Variants in ERC2 observed in about 807,000 individuals in gnomAD.
The protein encoded by ERC2 is ELKS/RAB6-interacting/CAST family member 2, also known as ERC protein 2.
Under a neutral mutation model 114.8 loss-of-function variants are expected in ERC2, and 42 were observed. That is an observed-to-expected ratio of 0.37 (90% CI 0.29 to 0.47). ERC2 has a LOEUF of 0.47. Ranked by LOEUF, ERC2 falls within the 20% of genes least tolerant of loss-of-function variation. ERC2 has a pLI of 0.99. For missense variants in ERC2, 939 were observed against 1,150.7 expected, an observed-to-expected ratio of 0.82 and a Z score of 2.66; for synonymous variants, 454 against 425.5, an observed-to-expected ratio of 1.07 and a Z score of -0.82.
chr3:56,049,732 C>A (rs1319111247), intron 7 of ERC2, among the ~76,000 whole-genome samples: 1 of 152,062 alleles, frequency 6.6e-6, no homozygotes, highest in Admixed American at 6.6e-5. Flanking sequence ...CTCACACTGG[C>A]TTCCTTGCTC....
chr3:55,925,459 T>G (rs2065692581), intron 13 of ERC2, among the ~76,000 whole-genome samples: 1 of 152,040 alleles, frequency 6.6e-6, no homozygotes, highest in East Asian at 1.9e-4. Context: ...ATTCAAGAAA[T>G]ATTTAGAGGC....
chr3:55,833,412 C>T (rs1281568602), intron 14 of ERC2, among the ~76,000 whole-genome samples: 4 of 151,756 alleles, frequency 2.6e-5, no homozygotes, highest in South Asian at 2.1e-4. Flanking sequence ...GCGGATCTCT[C>T]GGCAGAAACT....
Position 56,188,002 on chromosome 3 carries a change from G to A in ERC2, c.1075-14482C>T, listed in dbSNP as rs116852450. Reference sequence around the variant, plus strand: ...CAGCACGCAAACACCTGTGGGGAACGTGGTCAAGGCAGAGGGAACAGGAAG... The same window carrying A: ...CAGCACGCAAACACCTGTGGGGAACATGGTCAAGGCAGAGGGAACAGGAAG... On this transcript the variant is annotated intron_variant, in intron 3 of 17. Coordinates refer to ENST00000288221, the MANE Select transcript of ERC2 (RefSeq NM_015576.3). Among the ~76,000 whole-genome samples, 50 of 152,286 alleles carry A rather than the reference G, an allele frequency of 3.3e-4. 1 individual carries two copies. The East Asian group carries it at 8.5e-3, about 26-fold the overall frequency.
At chr3:56,264,361 C>T (rs2053148582) in intron 3 of ERC2, among the ~76,000 whole-genome samples, 1 of 152,100 alleles carries the variant, frequency 6.6e-6, no homozygotes, top group Non-Finnish European at 1.5e-5. Context: ...CTTTAGGAGG[C>T]CGAGGCAGGC....
chr3:56,064,986 T>C (rs1303973244), intron 7 of ERC2, among the ~76,000 whole-genome samples: 1 of 152,214 alleles, frequency 6.6e-6, no homozygotes, highest in South Asian at 2.1e-4. Flanking sequence ...GCCAGCACTG[T>C]GCTAAGTACT....
chr3:56,337,916 A>G (rs921312621), intron 2 of ERC2, among the ~76,000 whole-genome samples: 1 of 152,268 alleles, frequency 6.6e-6, no homozygotes, highest in African/African-American at 2.4e-5. Flanking sequence ...ATAGAATACC[A>G]ACCACATGGT....
At chr3:56,119,715 GA>G (rs2079464011) in intron 6 of ERC2, among the ~76,000 whole-genome samples, 1 of 152,148 alleles carries the variant, frequency 6.6e-6, no homozygotes, top group Admixed American at 6.5e-5. Flanking sequence ...GACATAGTTG[GA>G]ACTCAATAAA....
At chr3:55,764,000 C>G (rs1365565785) in intron 14 of ERC2, among the ~76,000 whole-genome samples, 1 of 152,138 alleles carries the variant, frequency 6.6e-6, no homozygotes, top group Non-Finnish European at 1.5e-5. Context: ...GCAGACCTAC[C>G]CTTTTCAATG....
At chr3:55,669,078 A>G (rs900173535) in intron 17 of ERC2, among the ~76,000 whole-genome samples, 4 of 152,204 alleles carry the variant, frequency 2.6e-5, no homozygotes, top group South Asian at 2.1e-4. Flanking sequence ...CATCTTATCA[A>G]CAAAGAACCC....
At chr3:56,149,479 G>A (rs1267437732) in intron 4 of ERC2, among the ~76,000 whole-genome samples, 2 of 152,146 alleles carry the variant, frequency 1.3e-5, no homozygotes, top group Non-Finnish European at 2.9e-5. Context: ...TTTAATCTGG[G>A]ATATAGTTTA....
At chr3:55,740,691 G>A (rs1246334752) in intron 14 of ERC2, among the ~76,000 whole-genome samples, 4 of 152,126 alleles carry the variant, frequency 2.6e-5, no homozygotes, top group Non-Finnish European at 5.9e-5. Context: ...AGATTTGGCA[G>A]GCCTAGAATT....
At chr3:56,372,073 G>A (rs939406494) in intron 2 of ERC2, among the ~76,000 whole-genome samples, 1 of 152,186 alleles carries the variant, frequency 6.6e-6, no homozygotes, top group Non-Finnish European at 1.5e-5. Context: ...TGCTTGATGG[G>A]AAAGAGAGTT....
chr3:55,631,228 T>G (rs2059745821), intron 17 of ERC2, among the ~76,000 whole-genome samples: 1 of 152,204 alleles, frequency 6.6e-6, no homozygotes, highest in South Asian at 2.1e-4. Context: ...CAATGAATGT[T>G]TAATTGAGTT....
At chr3:55,978,782 T>C (rs2069810932) in intron 12 of ERC2, among the ~76,000 whole-genome samples, 1 of 152,230 alleles carries the variant, frequency 6.6e-6, no homozygotes. Context: ...GTAGTCTATT[T>C]AGTTTTCTAC....
intron 13 of ERC2, among the ~76,000 whole-genome samples, chr3:55,931,803 G>A (rs1313600921): frequency 6.6e-6 from 1 of 152,082 alleles, no homozygotes; most frequent in Non-Finnish European, 1.5e-5. Flanking sequence ...AGACCTCTTG[G>A]AGAGGTTCTG....
At chr3:55,753,875 T>C (rs1038796483) in intron 14 of ERC2, among the ~76,000 whole-genome samples, 3 of 152,206 alleles carry the variant, frequency 2.0e-5, no homozygotes, top group Non-Finnish European at 4.4e-5. Flanking sequence ...ATTCCACAAA[T>C]CTGGGTTTAA....
At chr3:55,909,276 C>T (rs935969288) in intron 13 of ERC2, among the ~76,000 whole-genome samples, 4 of 152,186 alleles carry the variant, frequency 2.6e-5, no homozygotes, top group Admixed American at 6.5e-5. Flanking sequence ...GGGAACATTC[C>T]TTGGCCACAT....
At chr3:55,730,698 C>G (rs2065200749) in intron 15 of ERC2, among the ~76,000 whole-genome samples, 1 of 152,182 alleles carries the variant, frequency 6.6e-6, no homozygotes, top group South Asian at 2.1e-4. Context: ...TAGTGAAACC[C>G]CATTTCTACA....
At chr3:55,885,651 T>C (rs1401310394) in intron 14 of ERC2, among the ~76,000 whole-genome samples, 1 of 152,202 alleles carries the variant, frequency 6.6e-6, no homozygotes, top group African/African-American at 2.4e-5. Context: ...AACATACACA[T>C]GGAAAAAGTT....
Sources: allele counts gnomAD v4.1 joint callset (sites outside exome capture counted in the v4.1 genomes callset), GRCh38; gene constraint gnomAD v4.1.1; transcripts MANE v1.5; gene names NCBI Gene and HGNC (gene_info 2026-07-23, HGNC 2026-07-21).